CAPZB: variants seen among roughly 807,000 people sequenced by gnomAD.
CAPZB encodes the protein capping actin protein of muscle Z-line subunit beta.
In CAPZB, 2 loss-of-function variants were observed where a neutral mutation model predicts 38.1. That is an observed-to-expected ratio of 0.05 (90% CI 0.02 to 0.17). The LOEUF (loss-of-function observed/expected upper bound fraction) is 0.17. Among genes scored for constraint, CAPZB ranks in the 10% least tolerant of loss-of-function variants. The probability of loss-of-function intolerance (pLI) is 1.00; values close to 1 mark genes in which losing one functional copy is unlikely to be tolerated. For synonymous variants in CAPZB, 107 were observed against 127.4 expected (o/e 0.84, Z 1.08); for missense variants, 161 against 334.2 (o/e 0.48, Z 4.04).
intron 1 of CAPZB, among the ~76,000 whole-genome samples, chr1:19,437,249 T>C (rs752670313): frequency 6.6e-6 from 1 of 152,144 alleles, no homozygotes; most frequent in Non-Finnish European, 1.5e-5. Context: ...TCCATGAATA[T>C]ATGAAATGTC....
intron 6 of CAPZB, among the ~76,000 whole-genome samples, chr1:19,350,135 C>T (rs1007872369): frequency 2.0e-5 from 3 of 152,250 alleles, no homozygotes; most frequent in Non-Finnish European, 4.4e-5. Context: ...GCAGCCTTTC[C>T]CCCAGAGGGG....
intron 3 of CAPZB, 140 bp from the exon 4 acceptor site, chr1:19,378,793 C>A: frequency 1.7e-6 from 1 of 601,038 alleles, no homozygotes; most frequent in Non-Finnish European, 3.0e-6. Context: ...TGGGTCCTGG[C>A]AACAAACAGG....
intron 2 of CAPZB, 48 bp downstream of exon 2, chr1:19,419,613 A>T: frequency 9.0e-7 from 1 of 1,107,266 alleles, no homozygotes; most frequent in Non-Finnish European, 1.4e-6. Flanking sequence ...AAAAGCAACT[A>T]ACTCTTAGCC....
At chr1:19,393,621 T>A (rs1366496847) in intron 2 of CAPZB, among the ~76,000 whole-genome samples, 1 of 152,082 alleles carries the variant, frequency 6.6e-6, no homozygotes, top group African/African-American at 2.4e-5. Context: ...GCTGCCCCCA[T>A]CCCCAGTCAG....
chr1:19,349,757 A>C (rs1001341401), intron 6 of CAPZB, among the ~76,000 whole-genome samples: 27 of 152,010 alleles, frequency 1.8e-4, no homozygotes, highest in Non-Finnish European at 3.1e-4. Flanking sequence ...AGCCCACGTA[A>C]ATGGCCACGC....
chr1:19,457,531 A>G (rs1301459710), intron 1 of CAPZB, among the ~76,000 whole-genome samples: 1 of 152,232 alleles, frequency 6.6e-6, no homozygotes, highest in Non-Finnish European at 1.5e-5. Context: ...GAGAGAAATG[A>G]CATTGCAACC....
At chr1:19,352,051 G>A (rs1440670560) in intron 6 of CAPZB, among the ~76,000 whole-genome samples, 1 of 152,214 alleles carries the variant, frequency 6.6e-6, no homozygotes, top group Non-Finnish European at 1.5e-5. Flanking sequence ...CACGAGGAGC[G>A]GGTGTGCAGC....
At chr1:19,459,126 TC>T (rs2100730402) in intron 1 of CAPZB, among the ~76,000 whole-genome samples, 1 of 152,340 alleles carries the variant, frequency 6.6e-6, no homozygotes, top group Admixed American at 6.5e-5. Flanking sequence ...GTCCCATTTT[TC>T]CAGGCCAGAG....
intron 1 of CAPZB, among the ~76,000 whole-genome samples, chr1:19,423,516 C>T (rs1303541986): frequency 1.2e-4 from 14 of 113,272 alleles, no homozygotes; most frequent in African/African-American, 2.1e-4. Flanking sequence ...AGTGAACATT[C>T]TTTTTTTTTT....
chr1:19,349,888 AG>A lies in CAPZB; in HGVS notation c.589-4637del, dbSNP rs1298756193. ...TGCTCACTCCCCTCCACACCTGGTCAGGGTCGGCTCGGTGGCAATACCAACC... is the reference window on the plus strand; with the variant it reads ...TGCTCACTCCCCTCCACACCTGGTCAGGTCGGCTCGGTGGCAATACCAACC... On this transcript the variant is annotated intron_variant, in intron 6 of 8. Coordinates refer to ENST00000264202, the MANE Select transcript of CAPZB (RefSeq NM_004930.5). Among the ~76,000 whole-genome samples the A allele has an allele frequency of 3.9e-5, 6 of 152,366 alleles. No individual in the cohort carries two copies. The East Asian group carries it at 7.7e-4, about 20-fold the overall frequency.
chr1:19,464,733 C>G (rs1404020210), intron 1 of CAPZB, among the ~76,000 whole-genome samples: 1 of 152,162 alleles, frequency 6.6e-6, no homozygotes, highest in African/African-American at 2.4e-5. Context: ...AATATTAATA[C>G]ATGCAACATG....
chr1:19,445,822 G>A (rs145348762), intron 1 of CAPZB, among the ~76,000 whole-genome samples: 5 of 152,284 alleles, frequency 3.3e-5, no homozygotes, highest in African/African-American at 4.8e-5. Flanking sequence ...GTACAAAACC[G>A]CACTGTACAC....
At chr1:19,418,469 T>C (rs1334294146) in intron 2 of CAPZB, among the ~76,000 whole-genome samples, 1 of 152,192 alleles carries the variant, frequency 6.6e-6, no homozygotes, top group African/African-American at 2.4e-5. Context: ...GACCCTCTCT[T>C]TTTGATACCT....
At chr1:19,397,113 TTTAAGTGAAAAGATACATA>T (rs1220507375) in intron 2 of CAPZB, among the ~76,000 whole-genome samples, 1 of 152,186 alleles carries the variant, frequency 6.6e-6, no homozygotes, top group East Asian at 1.9e-4. Flanking sequence ...TGTCCTCTCG[TTTAAGTGAAAAGATACATA>T]GTGAAACCAA....
intron 1 of CAPZB, among the ~76,000 whole-genome samples, chr1:19,440,509 G>A (rs1367787660): frequency 2.0e-5 from 3 of 152,152 alleles, no homozygotes; most frequent in African/African-American, 7.2e-5. Context: ...GTGAACTCCA[G>A]ACCAGCCTAA....
At chr1:19,376,002 G>A (rs796821495) in intron 4 of CAPZB, among the ~76,000 whole-genome samples, 22 of 152,336 alleles carry the variant, frequency 1.4e-4, no homozygotes, top group African/African-American at 5.1e-4. Flanking sequence ...GATGGGAAGG[G>A]AGAACAAGGG....
chr1:19,371,037 T>A (rs892722438), intron 4 of CAPZB, among the ~76,000 whole-genome samples: 1 of 152,188 alleles, frequency 6.6e-6, no homozygotes, highest in African/African-American at 2.4e-5. Flanking sequence ...AGGTTCTCAT[T>A]AAGGACCTGG....
chr1:19,455,251 G>C (rs576886525), intron 1 of CAPZB, among the ~76,000 whole-genome samples: 2 of 152,366 alleles, frequency 1.3e-5, no homozygotes, highest in South Asian at 4.1e-4. Flanking sequence ...GAGTGTGGGT[G>C]AATAAGGTGG....
At chr1:19,435,400 T>C (rs34655486) in intron 1 of CAPZB, among the ~76,000 whole-genome samples, 32,793 of 151,986 alleles carry the variant, frequency 0.22, 4,814 homozygotes, top group African/African-American at 0.41. Flanking sequence ...AGTTCCAAAA[T>C]AGCTTTTTGA....
Sources: allele counts gnomAD v4.1 joint callset (sites outside exome capture counted in the v4.1 genomes callset), GRCh38; gene constraint gnomAD v4.1.1; transcripts MANE v1.5; gene names NCBI Gene and HGNC (gene_info 2026-07-23, HGNC 2026-07-21).